The following NARF variants were observed in gnomAD, a reference collection of about 807,000 sequenced individuals.
NARF encodes iron-only hydrogenase-like protein 2.
Under a neutral mutation model 48.0 loss-of-function variants are expected in NARF, and 41 were observed. The observed-to-expected ratio is 0.85, with a 90% CI of 0.66 to 1.11. The LOEUF (loss-of-function observed/expected upper bound fraction) is 1.11. Among genes scored for constraint, NARF ranks in the 50% least tolerant of loss-of-function variants. The probability of loss-of-function intolerance (pLI) is 0.00; values close to 1 mark genes in which losing one functional copy is unlikely to be tolerated. For missense variants in NARF, 613 were observed against 590.2 expected, an observed-to-expected ratio of 1.04 and a Z score of -0.40; for synonymous variants, 215 against 225.5, an observed-to-expected ratio of 0.95 and a Z score of 0.42.
At chr17:82,460,234 G>A (rs771865082) in intron 2 of NARF, 162 bp downstream of exon 2, 4 of 556,970 alleles carry the variant, frequency 7.2e-6, no homozygotes, top group Admixed American at 6.6e-5. Context: ...GGAGGCCGAG[G>A]TGGACGGATC....
chr17:82,476,334 G>T (rs1221764530), intron 5 of NARF, among the ~76,000 whole-genome samples: 1 of 152,036 alleles, frequency 6.6e-6, no homozygotes, highest in Non-Finnish European at 1.5e-5. Context: ...TAGAGACGGG[G>T]TTGCACCATG....
At chr17:82,487,796 A>AGAC in intron 10 of NARF, 120 bp from the exon 11 acceptor site, 2 of 819,922 alleles carry the variant, frequency 2.4e-6, no homozygotes, top group Non-Finnish European at 1.9e-6. Flanking sequence ...CCCAATCTCT[A>AGAC]CAAAAAATTT....
intron 4 of NARF, among the ~76,000 whole-genome samples, chr17:82,470,060 T>C (rs1339857322): frequency 6.6e-6 from 1 of 152,208 alleles, no homozygotes; most frequent in African/African-American, 2.4e-5. Flanking sequence ...AACAAGATCC[T>C]ATCTCTGCTA....
At chr17:82,473,672 C>A (rs2043769162) in intron 5 of NARF, among the ~76,000 whole-genome samples, 1 of 151,892 alleles carries the variant, frequency 6.6e-6, no homozygotes, top group Non-Finnish European at 1.5e-5. Context: ...ATTCTTATGC[C>A]TCAGCCTCCC....
intron 2 of NARF, among the ~76,000 whole-genome samples, chr17:82,461,452 A>G (rs2043436639): frequency 6.6e-6 from 1 of 152,090 alleles, no homozygotes; most frequent in Non-Finnish European, 1.5e-5. Flanking sequence ...TCTCTACTAA[A>G]AATACAAAAT....
At chr17:82,476,409 T>C (rs965978568) in intron 5 of NARF, among the ~76,000 whole-genome samples, 1 of 152,040 alleles carries the variant, frequency 6.6e-6, no homozygotes. Context: ...CCCAAAGTGC[T>C]GGGATTACAG....
At chr17:82,481,663 G>A (rs1224220808) in intron 7 of NARF, 2 of 374,830 alleles carry the variant, frequency 5.3e-6, no homozygotes, top group Admixed American at 3.7e-5. Flanking sequence ...CCGGGAGGCA[G>A]AGGTTGCAGT....
At chr17:82,480,987 G>T in intron 6 of NARF, 95 bp from the exon 7 acceptor site, 2 of 1,512,304 alleles carry the variant, frequency 1.3e-6, no homozygotes, top group Non-Finnish European at 9.1e-7. Context: ...AGCAGCAGGG[G>T]GCATTCGGTC....
At position 82,473,295 on chromosome 17, in the gene NARF, A is replaced by C. The variant is rs530512970; in HGVS notation, c.520+597A>C. 5.4e-3 allele frequency among the ~76,000 whole-genome samples: 657 copies of C among 120,684 alleles called. 5 individuals carry two copies. Among genetic ancestry groups the C allele is most frequent in the Non-Finnish European group, 9.4e-3 (516 of 55,136 alleles). 79.2% of individuals were successfully genotyped at this position (120,684 alleles called of 152,430 possible). Reference sequence around the variant, plus strand: ...AGACCAGCCTGGGCAACATGTCTCTATTTTTTTTTTTTTTTTGGAGACGGA... The same window carrying C: ...AGACCAGCCTGGGCAACATGTCTCTCTTTTTTTTTTTTTTTTGGAGACGGA... On this transcript the variant is annotated intron_variant, in intron 5 of 10. Coordinates refer to ENST00000309794, the MANE Select transcript of NARF (RefSeq NM_012336.4).
intron 3 of NARF, among the ~76,000 whole-genome samples, chr17:82,464,670 C>G (rs960824287): frequency 2.0e-5 from 3 of 152,270 alleles, no homozygotes; most frequent in Non-Finnish European, 4.4e-5. Context: ...CATCACCCCT[C>G]AGGCTCCTGT....
rs1258963063 is a variant in NARF at position 82,488,779 on chromosome 17, T to C, written c.*622T>C. 6.5e-6 allele frequency: 1 copy of C among 152,964 alleles called. No homozygotes were observed. The highest frequency in any genetic ancestry group is 1.5e-5 in the Non-Finnish European group (1 of 68,608). 9.5% of individuals were successfully genotyped at this position (152,964 alleles called of 1,614,324 possible). On this transcript the variant is annotated 3_prime_UTR_variant, in exon 11 of 11. Transcript: ENST00000309794. ...GGAATGGAGACAGACTACTGTATTTTAGGTTTAAAAAGAAAAATCCAGAAA... is the reference window on the plus strand; with the variant it reads ...GGAATGGAGACAGACTACTGTATTTCAGGTTTAAAAAGAAAAATCCAGAAA...
chr17:82,475,252 G>A (rs960770016), intron 5 of NARF, among the ~76,000 whole-genome samples: 11 of 152,170 alleles, frequency 7.2e-5, no homozygotes, highest in Non-Finnish European at 1.2e-4. Flanking sequence ...GGAAGAGGCC[G>A]TGTAAAATGA....
At chr17:82,461,610 C>A (rs1188776517) in intron 2 of NARF, among the ~76,000 whole-genome samples, 1 of 151,984 alleles carries the variant, frequency 6.6e-6, no homozygotes, top group Non-Finnish European at 1.5e-5. Flanking sequence ...GACTCCGTCT[C>A]AAAAAAAAGA....
chr17:82,469,112 G>T (rs8078595), intron 4 of NARF, among the ~76,000 whole-genome samples: 37,810 of 152,080 alleles, frequency 0.25, 5,336 homozygotes, highest in East Asian at 0.67. Context: ...GCACAGACAG[G>T]TGTTTTGTTA....
Position 82,488,380 on chromosome 17 carries a change from C to A in NARF, c.*223C>A. The A allele has an allele frequency of 8.9e-6, 4 of 448,632 alleles. No homozygotes were observed. Among genetic ancestry groups the A allele is most frequent in the East Asian group, 4.5e-5 (1 of 22,346 alleles). The allele number at this position is 448,632 out of a possible 1,614,324, so 27.8% of individuals were successfully genotyped here. On this transcript the variant is annotated 3_prime_UTR_variant, in exon 11 of 11. Coordinates refer to ENST00000309794, the MANE Select transcript of NARF (RefSeq NM_012336.4). ...GGTGTGGGATTGGAACTTTTTTTTT[C>A]TTTTTTTTTTTTTGAGACGGAGTCT...
chr17:82,458,927 T>G (rs2043356872), intron 1 of NARF, 97 bp downstream of exon 1: 1 of 1,245,260 alleles, frequency 8.0e-7, no homozygotes, highest in South Asian at 3.4e-5. Flanking sequence ...CTCGCTCGCT[T>G]CAGGGCTCTT....
chr17:82,475,785 G>A (rs1422693157), intron 5 of NARF, among the ~76,000 whole-genome samples: 3 of 152,124 alleles, frequency 2.0e-5, no homozygotes, highest in Admixed American at 6.6e-5. Context: ...AGGGATCACC[G>A]TTTCTATACA....
At chr17:82,484,987 G>T (rs770069757) in intron 9 of NARF, 37 bp downstream of exon 9, 1 of 1,561,608 alleles carries the variant, frequency 6.4e-7, no homozygotes, top group East Asian at 2.3e-5. Flanking sequence ...TGTGCCTGTG[G>T]TTAGCACGTG....
At chr17:82,460,213 C>G in intron 2 of NARF, 141 bp downstream of exon 2, 1 of 672,664 alleles carries the variant, frequency 1.5e-6, no homozygotes, top group Non-Finnish European at 2.4e-6. Context: ...GCCTGGAATC[C>G]CAGCACTTTG....
Sources: allele counts gnomAD v4.1 joint callset (sites outside exome capture counted in the v4.1 genomes callset), GRCh38; gene constraint gnomAD v4.1.1; transcripts MANE v1.5; gene names NCBI Gene and HGNC (gene_info 2026-07-23, HGNC 2026-07-21).